GALNT17: variants seen among roughly 807,000 people sequenced by gnomAD.
GALNT17 encodes the protein UDP-GalNAc:polypeptide N-acetylgalactosaminyltransferase-like 3.
In GALNT17, 29 loss-of-function variants were observed where a neutral mutation model predicts 63.7. That is an observed-to-expected ratio of 0.46 (90% CI 0.34 to 0.62). The LOEUF (loss-of-function observed/expected upper bound fraction) is 0.62, where lower values mean the gene tolerates loss of function less well. GALNT17 is among the 20% of genes least tolerant of loss of function. The pLI is 0.01. For synonymous variants in GALNT17, 305 were observed against 318.3 expected (o/e 0.96, Z 0.45); for missense variants, 603 against 799.6 (o/e 0.75, Z 2.97).
chr7:71,518,673 T>G (rs2116744289), intron 5 of GALNT17, among the ~76,000 whole-genome samples: 1 of 152,288 alleles, frequency 6.6e-6, no homozygotes, highest in South Asian at 2.1e-4. Flanking sequence ...TTGGATATAC[T>G]CCCACATTTC....
At chr7:71,414,982 A>T (rs1237172393) in intron 3 of GALNT17, among the ~76,000 whole-genome samples, 3 of 148,092 alleles carry the variant, frequency 2.0e-5, no homozygotes, top group Admixed American at 6.7e-5. Context: ...ACAAAGTATC[A>T]CTTTTTTTTT....
chr7:71,187,554 G>A (rs1250326312), intron 1 of GALNT17, among the ~76,000 whole-genome samples: 2 of 151,956 alleles, frequency 1.3e-5, no homozygotes, highest in African/African-American at 4.8e-5. Flanking sequence ...AAAATAAATG[G>A]TTTCCTAATA....
intron 6 of GALNT17, among the ~76,000 whole-genome samples, chr7:71,644,268 G>C (rs941950552): frequency 1.3e-5 from 2 of 151,806 alleles, no homozygotes; most frequent in Non-Finnish European, 2.9e-5. Context: ...TGGGCACGGT[G>C]GCTCACACCT....
chr7:71,204,352 G>C (rs1251498988), intron 1 of GALNT17, among the ~76,000 whole-genome samples: 1 of 151,930 alleles, frequency 6.6e-6, no homozygotes, highest in Non-Finnish European at 1.5e-5. Flanking sequence ...GCTTTGTTTT[G>C]TTTGCACGAG....
intron 1 of GALNT17, among the ~76,000 whole-genome samples, chr7:71,326,978 C>T (rs1376256140): frequency 6.6e-6 from 1 of 152,170 alleles, no homozygotes; most frequent in Non-Finnish European, 1.5e-5. Flanking sequence ...TAGATGCTTT[C>T]CTTATGGATA....
At chr7:71,472,519 T>C (rs1339588745) in intron 5 of GALNT17, among the ~76,000 whole-genome samples, 1 of 152,014 alleles carries the variant, frequency 6.6e-6, no homozygotes, top group Non-Finnish European at 1.5e-5. Flanking sequence ...AAACCCCGTG[T>C]CTACTAAAAT....
intron 6 of GALNT17, among the ~76,000 whole-genome samples, chr7:71,604,783 C>T (rs1464172089): frequency 6.6e-6 from 1 of 152,166 alleles, no homozygotes; most frequent in Non-Finnish European, 1.5e-5. Context: ...TGCATGTCTC[C>T]TCCTCCTTCA....
At chr7:71,644,902 G>T (rs1051481535) in intron 6 of GALNT17, among the ~76,000 whole-genome samples, 2 of 152,164 alleles carry the variant, frequency 1.3e-5, no homozygotes, top group Admixed American at 6.5e-5. Context: ...TATGTTCCAT[G>T]GTTGGCAGGT....
chr7:71,637,134 AAC>A (rs926513108), intron 6 of GALNT17, among the ~76,000 whole-genome samples: 11 of 152,154 alleles, frequency 7.2e-5, no homozygotes, highest in Non-Finnish European at 1.5e-5. Context: ...AAGTGCTGAA[AAC>A]ACAGTTACAT....
At chr7:71,440,562 T>A (rs1012525710) in intron 5 of GALNT17, among the ~76,000 whole-genome samples, 1 of 151,864 alleles carries the variant, frequency 6.6e-6, no homozygotes, top group African/African-American at 2.4e-5. Flanking sequence ...TTAGTAGAGA[T>A]GGGGTTTCAC....
chr7:71,364,580 T>G (rs1050539941), intron 2 of GALNT17, among the ~76,000 whole-genome samples: 2 of 152,196 alleles, frequency 1.3e-5, no homozygotes, highest in African/African-American at 4.8e-5. Context: ...TGTGACTAAA[T>G]ATTTTTCATT....
chr7:71,229,581 C>T (rs1020000081), intron 1 of GALNT17, among the ~76,000 whole-genome samples: 1 of 152,174 alleles, frequency 6.6e-6, no homozygotes, highest in Non-Finnish European at 1.5e-5. Context: ...CATTTAGGGA[C>T]ACTTGTGATC....
chr7:71,574,145 G>A (rs147265852), intron 6 of GALNT17, among the ~76,000 whole-genome samples: 1 of 152,326 alleles, frequency 6.6e-6, no homozygotes, highest in Non-Finnish European at 1.5e-5. Context: ...CTTTATGGTA[G>A]AATGATTTGT....
chr7:71,304,448 A>G (rs889782046), intron 1 of GALNT17, among the ~76,000 whole-genome samples: 1 of 152,146 alleles, frequency 6.6e-6, no homozygotes, highest in Admixed American at 6.5e-5. Context: ...TCTTAAATAC[A>G]TTGTCAAGGA....
At chr7:71,326,228 C>CG (rs1563004674) in intron 1 of GALNT17, among the ~76,000 whole-genome samples, 4 of 152,070 alleles carry the variant, frequency 2.6e-5, no homozygotes. Context: ...GAAGCTGAGG[C>CG]GGGGGGATCG....
intron 1 of GALNT17, among the ~76,000 whole-genome samples, chr7:71,245,049 C>T (rs1790068863): frequency 6.6e-6 from 1 of 152,130 alleles, no homozygotes; most frequent in African/African-American, 2.4e-5. Context: ...TCGATGTCAC[C>T]TAGCCCCACT....
intron 1 of GALNT17, among the ~76,000 whole-genome samples, chr7:71,148,318 G>A (rs1203826913): frequency 1.3e-5 from 2 of 152,146 alleles, no homozygotes; most frequent in African/African-American, 4.8e-5. Flanking sequence ...TCCAGCCATT[G>A]CATCTTTGTA....
intron 6 of GALNT17, among the ~76,000 whole-genome samples, chr7:71,576,465 C>T (rs1377256551): frequency 6.6e-6 from 1 of 151,868 alleles, no homozygotes; most frequent in African/African-American, 2.4e-5. Context: ...ATTTACATTC[C>T]CACCAGCAGT....
chr7:71,185,808 C>T (rs1463895688), intron 1 of GALNT17, among the ~76,000 whole-genome samples: 1 of 152,146 alleles, frequency 6.6e-6, no homozygotes, highest in African/African-American at 2.4e-5. Flanking sequence ...CGCCCGGCCC[C>T]CATTCTGTAA....
Sources: allele counts gnomAD v4.1 joint callset (sites outside exome capture counted in the v4.1 genomes callset), GRCh38; gene constraint gnomAD v4.1.1; transcripts MANE v1.5; gene names NCBI Gene and HGNC (gene_info 2026-07-23, HGNC 2026-07-21).